The following FGF14 variants were observed in gnomAD, a reference collection of about 807,000 sequenced individuals.
FGF14 encodes the protein fibroblast growth factor homologous factor 4.
A neutral mutation model predicts 25.5 loss-of-function variants in FGF14; 5 were observed. The ratio of observed to expected loss-of-function variants is 0.20; its 90% CI spans 0.10 to 0.41. The LOEUF (loss-of-function observed/expected upper bound fraction) is 0.41. Ranked by LOEUF, FGF14 falls within the 10% of genes least tolerant of loss-of-function variation. The pLI is 1.00. For synonymous variants in FGF14, 138 were observed against 118.3 expected (o/e 1.17, Z -1.08); for missense variants, 222 against 320.1 (o/e 0.69, Z 2.34).
At chr13:101,755,973 A>G (rs1398342339) in intron 3 of FGF14, among the ~76,000 whole-genome samples, 5 of 152,218 alleles carry the variant, frequency 3.3e-5, no homozygotes, top group Admixed American at 2.6e-4. Context: ...TAAATAATAC[A>G]TGAACAAGAG....
intron 1 of FGF14, among the ~76,000 whole-genome samples, chr13:102,199,692 G>A (rs764322892): frequency 1.3e-5 from 2 of 152,158 alleles, no homozygotes; most frequent in East Asian, 3.9e-4. Context: ...CCACTCCACA[G>A]CCAGTCTACA....
At chr13:102,011,188 T>C (rs931343724) in intron 1 of FGF14, among the ~76,000 whole-genome samples, 8 of 152,330 alleles carry the variant, frequency 5.3e-5, no homozygotes, top group Admixed American at 2.0e-4. Flanking sequence ...ATTTTATTAA[T>C]TGCCTTCTTT....
intron 1 of FGF14, among the ~76,000 whole-genome samples, chr13:102,047,621 T>C (rs879264505): frequency 8.5e-5 from 13 of 152,166 alleles, no homozygotes; most frequent in Non-Finnish European, 1.5e-4. Flanking sequence ...TAGGTGGGAA[T>C]TGAACAACGA....
At chr13:102,212,067 G>T (rs1001829860) in intron 1 of FGF14, among the ~76,000 whole-genome samples, 2 of 152,080 alleles carry the variant, frequency 1.3e-5, no homozygotes, top group Non-Finnish European at 1.5e-5. Flanking sequence ...CTCATTAGAG[G>T]ACGTTAGGGA....
At chr13:102,211,274 A>C (rs543883195) in intron 1 of FGF14, among the ~76,000 whole-genome samples, 1 of 150,618 alleles carries the variant, frequency 6.6e-6, no homozygotes, top group African/African-American at 2.5e-5. Context: ...TTTTCATTCC[A>C]AAAAAATACA....
chr13:101,857,298 C>CA (rs1594503534), intron 3 of FGF14, among the ~76,000 whole-genome samples: 1 of 151,916 alleles, frequency 6.6e-6, no homozygotes, highest in Admixed American at 6.6e-5. Flanking sequence ...CTAAGCCTCA[C>CA]AAAAAATACG....
intron 3 of FGF14, among the ~76,000 whole-genome samples, chr13:101,776,390 G>A (rs969673720): frequency 7.2e-5 from 11 of 152,280 alleles, no homozygotes; most frequent in East Asian, 5.8e-4. Context: ...TCAAGGCAGC[G>A]TACAGGGCAC....
At chr13:101,876,542 AT>A (rs1260108850) in intron 1 of FGF14, among the ~76,000 whole-genome samples, 2 of 152,150 alleles carry the variant, frequency 1.3e-5, no homozygotes, top group African/African-American at 4.8e-5. Flanking sequence ...AAAACTGATC[AT>A]TTGAGACGTG....
chr13:102,095,764 C>T (rs865877757), intron 1 of FGF14, among the ~76,000 whole-genome samples: 12 of 152,066 alleles, frequency 7.9e-5, no homozygotes, highest in Admixed American at 1.3e-4. Context: ...TTTCTTTTCT[C>T]TATCTTACCT....
chr13:102,165,238 A>T (rs555610155), intron 1 of FGF14, among the ~76,000 whole-genome samples: 2 of 152,078 alleles, frequency 1.3e-5, no homozygotes, highest in Admixed American at 6.6e-5. Flanking sequence ...TAGTTCAACC[A>T]TTGTGGAAGT....
chr13:102,282,702 AT>A (rs2053905133), intron 1 of FGF14, among the ~76,000 whole-genome samples: 2 of 152,112 alleles, frequency 1.3e-5, no homozygotes, highest in South Asian at 4.1e-4. Context: ...TTTAAAAATA[AT>A]TTTTGTAATC....
intron 1 of FGF14, among the ~76,000 whole-genome samples, chr13:102,005,633 G>A (rs184771008): frequency 5.3e-5 from 8 of 152,272 alleles, no homozygotes; most frequent in Admixed American, 2.0e-4. Context: ...TAGATGACAC[G>A]TTTTTAAAGG....
chr13:101,804,333 G>C (rs916598519), intron 3 of FGF14, among the ~76,000 whole-genome samples: 14 of 152,140 alleles, frequency 9.2e-5, no homozygotes, highest in African/African-American at 2.4e-4. Context: ...CTACAGCAAT[G>C]GTAATGAAGA....
chr13:102,100,540 G>C (rs2044612936), intron 1 of FGF14, among the ~76,000 whole-genome samples: 1 of 152,186 alleles, frequency 6.6e-6, no homozygotes, highest in African/African-American at 2.4e-5. Flanking sequence ...TGATATCAGT[G>C]ACCAATGATC....
At chr13:102,141,377 C>G (rs902855653) in intron 1 of FGF14, among the ~76,000 whole-genome samples, 1 of 152,194 alleles carries the variant, frequency 6.6e-6, no homozygotes, top group African/African-American at 2.4e-5. Flanking sequence ...TTAAACAAGA[C>G]AGTTTTCTCT....
At position 101,773,981 on chromosome 13, in the gene FGF14, T is replaced by G. The variant is rs146851790; in HGVS notation, c.409-47171A>C. ...ACTCCATTAGTACTTGTTAAATCAA[T>G]TATTAAGGTAATGTAACTTATCCTC... On this transcript the variant is annotated intron_variant, in intron 3 of 4. Coordinates refer to ENST00000376143, the MANE Select transcript of FGF14 (RefSeq NM_004115.4). Among the ~76,000 whole-genome samples, 321 of 151,650 alleles carry G rather than the reference T, an allele frequency of 2.1e-3. 3 individuals are homozygous for G. Among genetic ancestry groups the G allele is most frequent in the Middle Eastern group, 0.01 (3 of 294 alleles).
chr13:102,072,213 C>G (rs1162438254), intron 1 of FGF14, among the ~76,000 whole-genome samples: 1 of 152,144 alleles, frequency 6.6e-6, no homozygotes, highest in Non-Finnish European at 1.5e-5. Context: ...AATTTCAGGA[C>G]ACAAAATTGC....
intron 1 of FGF14, among the ~76,000 whole-genome samples, chr13:102,022,071 C>A (rs1054129263): frequency 3.9e-5 from 6 of 152,072 alleles, no homozygotes; most frequent in African/African-American, 1.2e-4. Flanking sequence ...CCTAATTCTA[C>A]CTTACTTCAT....
intron 3 of FGF14, among the ~76,000 whole-genome samples, chr13:101,792,840 G>A (rs937028840): frequency 2.0e-5 from 3 of 151,920 alleles, no homozygotes; most frequent in East Asian, 3.9e-4. Context: ...AGTAGAACCT[G>A]GCTATTTTCA....
Sources: gnomAD v4.1 joint callset for allele counts (sites outside exome capture counted in the v4.1 genomes callset) on GRCh38, gnomAD v4.1.1 for gene constraint, MANE v1.5 for transcripts, NCBI Gene and HGNC (gene_info 2026-07-23, HGNC 2026-07-21) for gene names.